ANKRD44: variants seen among roughly 807,000 people sequenced by gnomAD.
ANKRD44 encodes ankyrin repeat domain 44, also known as serine/threonine-protein phosphatase 6 regulatory ankyrin repeat subunit B.
Under a neutral mutation model 116.0 loss-of-function variants are expected in ANKRD44, and 35 were observed. The ratio of observed to expected loss-of-function variants is 0.30; its 90% CI spans 0.23 to 0.40. ANKRD44 has a LOEUF of 0.40. Among genes scored for constraint, ANKRD44 ranks in the 10% least tolerant of loss-of-function variants. The pLI, the probability that ANKRD44 is intolerant of heterozygous loss-of-function variation, is 1.00. For synonymous variants in ANKRD44, 435 were observed against 461.8 expected (o/e 0.94, Z 0.74); for missense variants, 1,014 against 1,242.6 (o/e 0.82, Z 2.77).
At chr2:197,309,597 G>A (rs528264932) in intron 1 of ANKRD44, among the ~76,000 whole-genome samples, 2 of 152,318 alleles carry the variant, frequency 1.3e-5, no homozygotes, top group South Asian at 2.1e-4. Context: ...GTCTGACCCT[G>A]TAGTCAAAGT....
At chr2:196,990,099 A>G in intron 27 of ANKRD44, 1 of 1,003,412 alleles carries the variant, frequency 1.0e-6, no homozygotes, top group Non-Finnish European at 1.2e-6. Context: ...AGAGATCCTC[A>G]GAAAGAAGTT....
chr2:197,002,632 A>G (rs1032405623), intron 21 of ANKRD44, among the ~76,000 whole-genome samples: 1 of 152,238 alleles, frequency 6.6e-6, no homozygotes, highest in Admixed American at 6.5e-5. Context: ...GTGACGTTCT[A>G]TACAATTGTA....
intron 1 of ANKRD44, among the ~76,000 whole-genome samples, chr2:197,260,348 C>T (rs1020022034): frequency 2.0e-5 from 3 of 151,912 alleles, no homozygotes; most frequent in African/African-American, 7.3e-5. Context: ...GTTTTTTGTC[C>T]TTGTGATATT....
At chr2:197,308,503 T>G (rs2084142212) in intron 1 of ANKRD44, among the ~76,000 whole-genome samples, 1 of 151,978 alleles carries the variant, frequency 6.6e-6, no homozygotes, top group Non-Finnish European at 1.5e-5. Flanking sequence ...CCAGGCCACT[T>G]CCCCACCCCA....
chr2:197,256,413 A>G (rs1383573462), intron 1 of ANKRD44, among the ~76,000 whole-genome samples: 1 of 152,228 alleles, frequency 6.6e-6, no homozygotes, highest in Admixed American at 6.5e-5. Context: ...GATGTTCTCC[A>G]TATACCAACG....
chr2:197,232,693 A>G (rs1390410613), intron 1 of ANKRD44, among the ~76,000 whole-genome samples: 1 of 152,166 alleles, frequency 6.6e-6, no homozygotes, highest in African/African-American at 2.4e-5. Context: ...CCCTCCTAGA[A>G]AAAAGGTTCT....
chr2:197,210,665 C>T (rs1439236408), intron 1 of ANKRD44, among the ~76,000 whole-genome samples: 1 of 151,780 alleles, frequency 6.6e-6, no homozygotes, highest in East Asian at 1.9e-4. Context: ...ATCACCCCCA[C>T]CTGTTGGAAC....
chr2:197,279,865 G>A (rs2083212910), intron 1 of ANKRD44, among the ~76,000 whole-genome samples: 1 of 152,110 alleles, frequency 6.6e-6, no homozygotes, highest in South Asian at 2.1e-4. Context: ...CCACCCAGTT[G>A]GACCATAAAG....
At chr2:197,231,791 A>G (rs2081870606) in intron 1 of ANKRD44, among the ~76,000 whole-genome samples, 1 of 152,108 alleles carries the variant, frequency 6.6e-6, no homozygotes, top group African/African-American at 2.4e-5. Context: ...TTGTTCATGC[A>G]TCTGTCATGA....
chr2:197,002,443 T>C (rs572796765), intron 21 of ANKRD44, among the ~76,000 whole-genome samples: 6 of 152,320 alleles, frequency 3.9e-5, no homozygotes, highest in African/African-American at 1.4e-4. Context: ...CCAAATCAAC[T>C]GAATTCAAGT....
chr2:197,208,305 T>C (rs2125686800), intron 1 of ANKRD44, among the ~76,000 whole-genome samples: 1 of 152,276 alleles, frequency 6.6e-6, no homozygotes, highest in African/African-American at 2.4e-5. Context: ...TTCTTCTTAG[T>C]TCTCAGAAGG....
chr2:197,109,844 G>T (rs2078522769), intron 9 of ANKRD44, among the ~76,000 whole-genome samples: 1 of 152,124 alleles, frequency 6.6e-6, no homozygotes, highest in South Asian at 2.1e-4. Flanking sequence ...TTAGTAACAT[G>T]AACCAGGATG....
intron 16 of ANKRD44, among the ~76,000 whole-genome samples, chr2:197,061,139 G>A (rs921752980): frequency 1.3e-5 from 2 of 152,082 alleles, no homozygotes; most frequent in African/African-American, 2.4e-5. Flanking sequence ...CCTAACCCCC[G>A]TTTGACAGAT....
intron 2 of ANKRD44, among the ~76,000 whole-genome samples, chr2:197,170,770 G>A (rs60503406): frequency 0.057 from 8,667 of 152,206 alleles, 821 homozygotes; most frequent in African/African-American, 0.2. Context: ...TCTCTTTCCT[G>A]TATTAGAGTA....
intron 2 of ANKRD44, among the ~76,000 whole-genome samples, chr2:197,150,275 A>G (rs189332212): frequency 6.6e-6 from 1 of 152,284 alleles, no homozygotes; most frequent in Non-Finnish European, 1.5e-5. Flanking sequence ...TGGGCTGGGC[A>G]CGGTGGCTCA....
intron 1 of ANKRD44, among the ~76,000 whole-genome samples, chr2:197,236,713 C>CAAAAAAAAAAAAAAAAAA (rs71012964): frequency 9.5e-6 from 1 of 105,242 alleles, no homozygotes; most frequent in African/African-American, 3.2e-5. Flanking sequence ...ACAAACTACT[C>CAAAAAAAAAAAAAAAAAA]AAAAAAAAAA....
chr2:197,286,840 C>T (rs1053415285), intron 1 of ANKRD44, among the ~76,000 whole-genome samples: 2 of 152,028 alleles, frequency 1.3e-5, no homozygotes, highest in African/African-American at 4.8e-5. Context: ...CTTTATCCTG[C>T]TAGATCCCTT....
intron 2 of ANKRD44, among the ~76,000 whole-genome samples, chr2:197,152,556 T>C (rs1400928729): frequency 6.6e-6 from 1 of 152,138 alleles, no homozygotes; most frequent in East Asian, 1.9e-4. Context: ...TGAGCTAAAT[T>C]TGCAGTATGT....
chr2:197,288,995 C>G (rs1309074009), intron 1 of ANKRD44, among the ~76,000 whole-genome samples: 2 of 152,050 alleles, frequency 1.3e-5, no homozygotes, highest in African/African-American at 4.8e-5. Flanking sequence ...TGGTAGCAGA[C>G]TAGGGTAATT....
Sources: allele counts gnomAD v4.1 joint callset (sites outside exome capture counted in the v4.1 genomes callset), GRCh38; gene constraint gnomAD v4.1.1; transcripts MANE v1.5; gene names NCBI Gene and HGNC (gene_info 2026-07-23, HGNC 2026-07-21).